The following TEKT3 variants were observed in gnomAD, a reference collection of about 807,000 sequenced individuals.
TEKT3 encodes the protein tektin 3.
In TEKT3, 49 loss-of-function variants were observed where a neutral mutation model predicts 49.8. The ratio of observed to expected loss-of-function variants is 0.98; its 90% CI spans 0.78 to 1.25. TEKT3 has a LOEUF of 1.25. Ranked by LOEUF, TEKT3 falls within the 50% of genes most tolerant of loss-of-function variation. The pLI is 0.00. For missense variants in TEKT3, 595 were observed against 629.5 expected (o/e 0.95, Z 0.59); for synonymous variants, 225 against 237.2 (o/e 0.95, Z 0.47).
rs937391212 is a variant in TEKT3 at position 15,304,143 on chromosome 17, G to A, written c.1266C>T (p.Asn422=). ...TGGTGTCGTCAACCTCGTGTACCTC[G>A]TTAACAAGGCTGCAGCATAAAGGAA... ...CRDMAQLRLV[N]EVHEVDDTIQ... Residue 422 remains asparagine, a synonymous_variant, in exon 9 of 9, where the codon AAC becomes AAT. Transcript: ENST00000395930. The surrounding 1 kb of genome is among the most constrained non-coding windows in gnomAD (Gnocchi z 4.7). 12 of 1,613,982 alleles carry A rather than the reference G, an allele frequency of 7.4e-6. No individual in the cohort carries two copies. Among genetic ancestry groups the A allele is most frequent in the African/African-American group, 4.0e-5 (3 of 74,896 alleles).
intron 2 of TEKT3, chr17:15,338,671 A>ATTTT (rs60841981): frequency 2.1e-5 from 2 of 94,154 alleles, no homozygotes; most frequent in Non-Finnish European, 1.9e-5. Context: ...CACCTGGCTA[A>ATTTT]TTTTTTTTTT....
intron 5 of TEKT3, 104 bp downstream of exon 5, chr17:15,318,973 C>T (rs1476848587): frequency 7.1e-6 from 6 of 850,982 alleles, no homozygotes; most frequent in Non-Finnish European, 1.1e-5. Context: ...GTGTATATGC[C>T]TGTGTGTGTG....
chr17:15,329,860 A>G (rs1425455416), intron 3 of TEKT3, among the ~76,000 whole-genome samples: 1 of 152,230 alleles, frequency 6.6e-6, no homozygotes. Flanking sequence ...ATGAGGAAAA[A>G]TGGTGCTAGC....
chr17:15,320,036 T>A (rs1036279776), intron 4 of TEKT3, among the ~76,000 whole-genome samples: 4 of 152,304 alleles, frequency 2.6e-5, no homozygotes, highest in Admixed American at 2.6e-4. Context: ...TATGCCTTTT[T>A]CCAAGGTTTT....
chr17:15,324,683 A>AT (rs550646878), intron 4 of TEKT3, among the ~76,000 whole-genome samples: 1 of 151,990 alleles, frequency 6.6e-6, no homozygotes, highest in Non-Finnish European at 1.5e-5. Context: ...AATTGGGTTG[A>AT]TTTTTTTTAA....
chr17:15,306,089 ATGTGTG>A lies in TEKT3; in HGVS notation c.1257-1943_1257-1938del, dbSNP rs58688985. Among the ~76,000 whole-genome samples, 403 of 144,396 alleles carry A rather than the reference ATGTGTG, an allele frequency of 2.8e-3. 2 individuals carry two copies. The highest frequency in any genetic ancestry group is 9.2e-3 in the African/African-American group (360 of 39,132). The allele number at this position is 144,396 out of a possible 152,430, so 94.7% of individuals were successfully genotyped here. A position where few individuals can be genotyped will look rare whatever the true frequency, so the allele number is the denominator to read the frequency against. On this transcript the variant is annotated intron_variant, in intron 8 of 8. Coordinates refer to ENST00000395930, the MANE Select transcript of TEKT3 (RefSeq NM_031898.3). ...AAGCTACCACAGTTTATTTATATAT[ATGTGTG>A]TGTGTGTGTGTGTGTGTGTGTGTGT...
chr17:15,311,188 ACT>A (rs1255518300), intron 7 of TEKT3, among the ~76,000 whole-genome samples: 1 of 152,214 alleles, frequency 6.6e-6, no homozygotes, highest in Non-Finnish European at 1.5e-5. Flanking sequence ...CATGGAACAC[ACT>A]GTCTGGCTCA....
chr17:15,314,425 AACT>A, intron 5 of TEKT3, 195 bp from the exon 6 acceptor site: 1 of 549,002 alleles, frequency 1.8e-6, no homozygotes. Flanking sequence ...CTGGGACCCT[AACT>A]CCCACCTTGT....
At chr17:15,328,666 G>A (rs1056015879) in intron 3 of TEKT3, among the ~76,000 whole-genome samples, 4 of 152,086 alleles carry the variant, frequency 2.6e-5, no homozygotes, top group African/African-American at 9.7e-5. Flanking sequence ...ACAAGATAGA[G>A]GTTATAATGT....
rs754833938 is a variant in TEKT3, at chr17:15,331,252, T to C, written c.334A>G (p.Thr112Ala). The change falls in exon 3 of 9, where the codon ACT becomes GCT. Residue 112 changes from threonine to alanine, a missense_variant. Coordinates refer to ENST00000395930, the MANE Select transcript of TEKT3 (RefSeq NM_031898.3). ...AGTTTCTCCGAATTATGTCGGGAAG[T>C]GTTGGACTCTTGATAGTTGGTTAAA... ...SNLTNYQESN[T>A]SRHNSEKLRV... 8 of 1,614,054 alleles carry C rather than the reference T, an allele frequency of 5.0e-6. No individual in the cohort carries two copies. The East Asian group carries it at 1.1e-4, about 22-fold the overall frequency.
Position 15,304,067 on chromosome 17 carries a change from G to A in TEKT3, c.1342C>T (p.Leu448=). 6.2e-7 allele frequency: 1 copy of A among 1,614,166 alleles called. No individual in the cohort carries two copies. The highest frequency in any genetic ancestry group is 8.5e-7 in the Non-Finnish European group (1 of 1,180,020). Residue 448 remains leucine, a synonymous_variant, in exon 9 of 9, where the codon CTG becomes TTG. Coordinates refer to ENST00000395930, the MANE Select transcript of TEKT3 (RefSeq NM_031898.3). The surrounding 1 kb of genome is among the most constrained non-coding windows in gnomAD (Gnocchi z 4.7). ...TCGAGTGTGGCTTTGATGTGGACCA[G>A]CGACTGCAGGGTGTCCTCTGCATCC... ...LRDAEDTLQS[L]VHIKATLEYD... is the part of the protein sequence containing the mutation.
rs372193361 is a variant in TEKT3 at position 15,320,960 on chromosome 17, GA to G, written c.664-1814del. ...GAAATTCTTAGGACTTTTAGTGAGG[GA>G]AAAAAAATGCATTTAATGAGACTCT... On this transcript the variant is annotated intron_variant, in intron 4 of 8. Transcript: ENST00000395930. 5.4e-3 allele frequency among the ~76,000 whole-genome samples: 811 copies of G among 149,722 alleles called. 7 individuals are homozygous for G. The highest frequency in any genetic ancestry group is 0.01 in the African/African-American group (428 of 40,828).
At chr17:15,331,661 T>G in intron 2 of TEKT3, 47 bp from the exon 3 acceptor site, 1 of 1,407,590 alleles carries the variant, frequency 7.1e-7, no homozygotes, top group Non-Finnish European at 9.5e-7. Context: ...TAAAATAATC[T>G]CTGGTGAAAC....
At chr17:15,310,132 G>C (rs1367019451) in intron 7 of TEKT3, among the ~76,000 whole-genome samples, 3 of 152,188 alleles carry the variant, frequency 2.0e-5, no homozygotes, top group African/African-American at 4.8e-5. Flanking sequence ...AAACCATCTT[G>C]ATCTCTTGCC....
At chr17:15,312,066 A>C (rs1910790851) in intron 7 of TEKT3, among the ~76,000 whole-genome samples, 193 bp downstream of exon 7, 1 of 152,172 alleles carries the variant, frequency 6.6e-6, no homozygotes, top group Non-Finnish European at 1.5e-5. Context: ...AGTGGATTCC[A>C]ATTTCATTTT....
intron 3 of TEKT3, among the ~76,000 whole-genome samples, chr17:15,330,366 G>A (rs990429266): frequency 6.6e-6 from 1 of 152,126 alleles, no homozygotes; most frequent in African/African-American, 2.4e-5. Context: ...TTGGGGGTGG[G>A]GCCTGGTGGG....
intron 3 of TEKT3, among the ~76,000 whole-genome samples, chr17:15,328,449 TCTA>T (rs1209634740): frequency 6.6e-6 from 1 of 152,232 alleles, no homozygotes; most frequent in Non-Finnish European, 1.5e-5. Context: ...CTAAATATTT[TCTA>T]CTGAGAATAG....
chr17:15,324,956 G>A lies in TEKT3; in HGVS notation c.663+3036C>T, dbSNP rs1165135009. Among the ~76,000 whole-genome samples, 3 of 149,020 alleles carry A rather than the reference G, an allele frequency of 2.0e-5. No homozygotes were observed. The East Asian group carries it at 6.0e-4, about 30-fold the overall frequency. ...TTTGACTTAACTATTTTGTATGTTT[G>A]ATTTGGAATCCAACTTCATTCTTTC... On this transcript the variant is annotated intron_variant, in intron 4 of 8. Coordinates refer to ENST00000395930, the MANE Select transcript of TEKT3 (RefSeq NM_031898.3).
intron 5 of TEKT3, among the ~76,000 whole-genome samples, chr17:15,316,837 T>C (rs1017126683): frequency 6.6e-6 from 1 of 152,148 alleles, no homozygotes; most frequent in South Asian, 2.1e-4. Context: ...ACATGGGTGA[T>C]TTTTATGACT....
Sources: allele counts gnomAD v4.1 joint callset (sites outside exome capture counted in the v4.1 genomes callset), GRCh38; gene constraint gnomAD v4.1.1; non-coding constraint Gnocchi (gnomAD v3.1); transcripts MANE v1.5; gene names NCBI Gene and HGNC (gene_info 2026-07-23, HGNC 2026-07-21).